The following NUDT3 variants were observed in gnomAD, a reference collection of about 807,000 sequenced individuals.
NUDT3 encodes nudix hydrolase 3, also known as diphosphoinositol polyphosphate phosphohydrolase 1.
NUDT3 carries 9 observed loss-of-function variants against 23.6 expected under a neutral mutation model. The ratio of observed to expected loss-of-function variants is 0.38; its 90% CI spans 0.23 to 0.66. The LOEUF is 0.66. NUDT3 is among the 30% of genes least tolerant of loss of function. NUDT3 has a pLI of 0.52. For synonymous variants in NUDT3, 86 were observed against 82.6 expected, an observed-to-expected ratio of 1.04 and a Z score of -0.22; for missense variants, 172 against 218.5, an observed-to-expected ratio of 0.79 and a Z score of 1.34.
chr6:34,376,506 G>A (rs1764925352), intron 1 of NUDT3, among the ~76,000 whole-genome samples: 1 of 152,048 alleles, frequency 6.6e-6, no homozygotes, highest in African/African-American at 2.4e-5. Context: ...TGAACTCCTG[G>A]CCTCAAGTGA....
intron 1 of NUDT3, among the ~76,000 whole-genome samples, chr6:34,351,755 A>G (rs2113743940): frequency 7.2e-6 from 1 of 139,386 alleles, no homozygotes; most frequent in East Asian, 1.9e-4. Context: ...AAAAAAAAAA[A>G]AAAAAAAGAA....
At position 34,286,282 on chromosome 6, in the gene NUDT3, T is replaced by C. The variant is rs41269036; in HGVS notation, c.*2471A>G. The stretch of plus-strand genomic sequence containing the variant: ...TTTTAGTAGAGATGGGGTTTTGCCA[T>C]GTTGGTCAGGCTGGTCTCAAACTCC... On this transcript the variant is annotated 3_prime_UTR_variant, in exon 5 of 5. Transcript: ENST00000607016. 14,781 of 152,106 alleles carry C rather than the reference T, an allele frequency of 0.097. 803 individuals carry two copies. Among genetic ancestry groups the C allele is most frequent in the Non-Finnish European group, 0.12 (8,229 of 67,988 alleles). The allele number at this position is 152,106 out of a possible 1,614,324, so 9.4% of individuals were successfully genotyped here. A position where few individuals can be genotyped will look rare whatever the true frequency, so the allele number is the denominator to read the frequency against.
rs206933 is a variant in NUDT3 at position 34,334,263 on chromosome 6, G to A, written c.210+7599C>T. Among the ~76,000 whole-genome samples the A allele has an allele frequency of 2.4e-3, 365 of 152,308 alleles. 2 individuals are homozygous for A. The highest frequency in any genetic ancestry group is 8.3e-3 in the African/African-American group (347 of 41,568). On this transcript the variant is annotated intron_variant, in intron 2 of 4. Coordinates refer to ENST00000607016, the MANE Select transcript of NUDT3 (RefSeq NM_006703.4). ...ACATTGCAGTTGCATTTCTGTAGCT[G>A]TTCTAACAGTGAGGTCAATAATTGT...
intron 2 of NUDT3, among the ~76,000 whole-genome samples, chr6:34,336,529 GTTGA>G (rs1341385413): frequency 6.6e-6 from 1 of 152,144 alleles, no homozygotes; most frequent in East Asian, 1.9e-4. Context: ...TCTCTTCACT[GTTGA>G]TTGTTTCCTT....
At chr6:34,292,876 G>C (rs1486711015) in intron 4 of NUDT3, among the ~76,000 whole-genome samples, 1 of 152,186 alleles carries the variant, frequency 6.6e-6, no homozygotes, top group Non-Finnish European at 1.5e-5. Context: ...CTTTTGGCAA[G>C]GACCCAGTTT....
At chr6:34,358,865 C>T (rs1215428095) in intron 1 of NUDT3, among the ~76,000 whole-genome samples, 1 of 151,998 alleles carries the variant, frequency 6.6e-6, no homozygotes, top group African/African-American at 2.4e-5. Context: ...AATACAGTAA[C>T]TATATAGGAG....
intron 1 of NUDT3, among the ~76,000 whole-genome samples, chr6:34,359,728 A>C (rs534844441): frequency 6.6e-6 from 1 of 152,342 alleles, no homozygotes; most frequent in East Asian, 1.9e-4. Flanking sequence ...AATAGTGCTG[A>C]ACATTCCTCT....
chr6:34,348,634 G>C (rs1764418432), intron 1 of NUDT3, among the ~76,000 whole-genome samples: 1 of 151,988 alleles, frequency 6.6e-6, no homozygotes. Context: ...AAATTAGCCG[G>C]GCGTGGTGGC....
At chr6:34,350,016 G>C (rs944719479) in intron 1 of NUDT3, among the ~76,000 whole-genome samples, 1 of 150,340 alleles carries the variant, frequency 6.7e-6, no homozygotes, top group African/African-American at 2.5e-5. Flanking sequence ...GTGAATCCGG[G>C]GGGTGGAGCT....
chr6:34,356,078 A>G (rs755747910), intron 1 of NUDT3, among the ~76,000 whole-genome samples: 5 of 152,192 alleles, frequency 3.3e-5, no homozygotes, highest in Non-Finnish European at 7.3e-5. Flanking sequence ...CAGGACACAC[A>G]GTTCCTGGCT....
At chr6:34,330,869 T>C (rs1241540117) in intron 2 of NUDT3, among the ~76,000 whole-genome samples, 1 of 152,200 alleles carries the variant, frequency 6.6e-6, no homozygotes, top group Non-Finnish European at 1.5e-5. Flanking sequence ...AACTTCTTTT[T>C]TTTGAGATGG....
At chr6:34,341,996 G>A in intron 1 of NUDT3, 24 bp from the exon 2 acceptor site, 1 of 1,596,030 alleles carries the variant, frequency 6.3e-7, no homozygotes, top group Non-Finnish European at 8.6e-7. Context: ...AAGGTTGCAT[G>A]GGGGGGTTAA....
intron 2 of NUDT3, among the ~76,000 whole-genome samples, chr6:34,326,823 A>G (rs1019655287): frequency 6.6e-6 from 1 of 151,870 alleles, no homozygotes; most frequent in Admixed American, 6.6e-5. Flanking sequence ...CTGGTTTCGA[A>G]CCCCTAACCT....
At chr6:34,326,413 T>A (rs1374528173) in intron 2 of NUDT3, among the ~76,000 whole-genome samples, 3 of 152,236 alleles carry the variant, frequency 2.0e-5, no homozygotes, top group Non-Finnish European at 2.9e-5. Context: ...AAAGTTAAAA[T>A]TCGGAACACA....
At chr6:34,349,328 A>G (rs1052897239) in intron 1 of NUDT3, among the ~76,000 whole-genome samples, 4 of 150,934 alleles carry the variant, frequency 2.7e-5, no homozygotes, top group East Asian at 1.9e-4. Flanking sequence ...AGAAGAGTCT[A>G]TAAGACCAAG....
At chr6:34,338,984 A>G (rs1287817888) in intron 2 of NUDT3, among the ~76,000 whole-genome samples, 1 of 152,240 alleles carries the variant, frequency 6.6e-6, no homozygotes, top group African/African-American at 2.4e-5. Flanking sequence ...CAAGGTTCCA[A>G]GAACAATTCT....
intron 1 of NUDT3, among the ~76,000 whole-genome samples, chr6:34,355,699 G>A (rs1764551339): frequency 1.0e-5 from 1 of 99,454 alleles, no homozygotes. Context: ...TGGGGGGGTG[G>A]GGGGTGGGGG....
At chr6:34,291,214 C>T (rs1763416950) in intron 4 of NUDT3, among the ~76,000 whole-genome samples, 1 of 152,020 alleles carries the variant, frequency 6.6e-6, no homozygotes, top group Admixed American at 6.6e-5. Flanking sequence ...CCGCCTTGGC[C>T]TCCCAAAGTG....
intron 1 of NUDT3, among the ~76,000 whole-genome samples, chr6:34,368,486 G>A (rs1040320967): frequency 6.6e-6 from 1 of 152,154 alleles, no homozygotes; most frequent in African/African-American, 2.4e-5. Flanking sequence ...AGAAAGTCTG[G>A]TTTATTTGGC....
Sources: gnomAD v4.1 joint callset for allele counts (sites outside exome capture counted in the v4.1 genomes callset) on GRCh38, gnomAD v4.1.1 for gene constraint, MANE v1.5 for transcripts, NCBI Gene and HGNC (gene_info 2026-07-23, HGNC 2026-07-21) for gene names.